Variants in CLVS2 observed in about 807,000 individuals in gnomAD.
CLVS2 encodes clavesin-2.
CLVS2 carries 19 observed loss-of-function variants against 29.0 expected under a neutral mutation model. The observed-to-expected ratio is 0.66, with a 90% CI of 0.46 to 0.96. The LOEUF (loss-of-function observed/expected upper bound fraction) is 0.96. CLVS2 is among the 40% of genes least tolerant of loss of function. CLVS2 has a pLI of 0.00. For synonymous variants in CLVS2, 161 were observed against 151.3 expected (o/e 1.06, Z -0.47); for missense variants, 294 against 404.1 (o/e 0.73, Z 2.34).
chr6:123,033,577 T>C (rs187617534), intron 3 of CLVS2, among the ~76,000 whole-genome samples: 30 of 152,194 alleles, frequency 2.0e-4, no homozygotes, highest in South Asian at 1.7e-3. Context: ...AAATGGATTA[T>C]GTATTTAAAT....
At chr6:123,009,027 G>C (rs1774711946) in intron 2 of CLVS2, among the ~76,000 whole-genome samples, 1 of 151,980 alleles carries the variant, frequency 6.6e-6, no homozygotes, top group South Asian at 2.1e-4. Context: ...ACTCTGCCTA[G>C]TAAACTATAT....
At chr6:123,044,700 T>G (rs1247027498) in intron 3 of CLVS2, among the ~76,000 whole-genome samples, 1 of 152,066 alleles carries the variant, frequency 6.6e-6, no homozygotes, top group East Asian at 1.9e-4. Context: ...GGTAGAGGGA[T>G]GATTTCTAGT....
Position 123,048,729 on chromosome 6 carries a change from A to G in CLVS2, c.672A>G (p.Lys224=). 1 of 1,596,166 alleles carries G rather than the reference A, an allele frequency of 6.3e-7. No homozygotes were observed. Among genetic ancestry groups the G allele is most frequent in the East Asian group, 2.2e-5 (1 of 44,716 alleles). ...CTTTCCTGAAGGAGAAAACTCGGAA[A>G]AGGGTATTCTTTTCTTTGATTTTTA... The part of the protein sequence containing the change: ...IRPFLKEKTR[K]RIFLHGNNLN... The change falls in exon 4 of 6, where the codon AAA becomes AAG. Residue 224 remains lysine (K), a synonymous_variant. Coordinates refer to ENST00000275162, the MANE Select transcript of CLVS2 (RefSeq NM_001010852.4).
At chr6:123,055,047 A>G (rs1772673288) in intron 4 of CLVS2, among the ~76,000 whole-genome samples, 1 of 152,192 alleles carries the variant, frequency 6.6e-6, no homozygotes, top group African/African-American at 2.4e-5. Context: ...TCCATTTAGG[A>G]AAAATGAGGA....
intron 2 of CLVS2, among the ~76,000 whole-genome samples, chr6:123,006,564 TA>T (rs1297274254): frequency 6.6e-6 from 1 of 151,962 alleles, no homozygotes; most frequent in Non-Finnish European, 1.5e-5. Flanking sequence ...TATAAATATA[TA>T]AAAGACAAAA....
intron 2 of CLVS2, among the ~76,000 whole-genome samples, chr6:123,000,238 T>C (rs182479108): frequency 1.3e-5 from 2 of 152,320 alleles, no homozygotes; most frequent in African/African-American, 2.4e-5. Flanking sequence ...CAAGAAATTA[T>C]CGCACCTCAA....
At chr6:123,041,682 A>T (rs1775236601) in intron 3 of CLVS2, among the ~76,000 whole-genome samples, 2 of 152,308 alleles carry the variant, frequency 1.3e-5, no homozygotes, top group South Asian at 4.1e-4. Flanking sequence ...CAGAAAGGAT[A>T]TGTATGCCTT....
intron 5 of CLVS2, among the ~76,000 whole-genome samples, chr6:123,059,815 T>C (rs1486962095): frequency 6.6e-6 from 1 of 152,228 alleles, no homozygotes; most frequent in Non-Finnish European, 1.5e-5. Flanking sequence ...CCACCTTTTG[T>C]ATCCTGATTC....
chr6:123,021,925 C>T (rs1194872492), intron 3 of CLVS2, among the ~76,000 whole-genome samples: 2 of 151,864 alleles, frequency 1.3e-5, no homozygotes, highest in Non-Finnish European at 2.9e-5. Context: ...TTTCCTGGTT[C>T]TTTGGTTAGT....
chr6:123,049,804 T>TC (rs1554203165), intron 4 of CLVS2, among the ~76,000 whole-genome samples: 1 of 118,934 alleles, frequency 8.4e-6, no homozygotes, highest in Non-Finnish European at 1.8e-5. Context: ...TGTTGTGGGA[T>TC]GGGGGGCGGG....
intron 3 of CLVS2, among the ~76,000 whole-genome samples, chr6:123,032,188 C>A (rs998717221): frequency 9.2e-5 from 14 of 151,948 alleles, no homozygotes; most frequent in African/African-American, 3.1e-4. Flanking sequence ...ATTTATAGTG[C>A]CTTTGATTTT....
At chr6:123,040,834 G>C (rs1775219629) in intron 3 of CLVS2, among the ~76,000 whole-genome samples, 1 of 149,144 alleles carries the variant, frequency 6.7e-6, no homozygotes, top group Non-Finnish European at 1.5e-5. Context: ...TAATTAAGTG[G>C]CAAAAGAGGA....
intron 3 of CLVS2, among the ~76,000 whole-genome samples, chr6:123,014,652 T>C (rs138213041): frequency 6.6e-6 from 1 of 152,186 alleles, no homozygotes; most frequent in Non-Finnish European, 1.5e-5. Flanking sequence ...ATTAAAGTAA[T>C]TGATGTGGAT....
chr6:123,051,259 A>G (rs1283059146), intron 4 of CLVS2, among the ~76,000 whole-genome samples: 1 of 152,108 alleles, frequency 6.6e-6, no homozygotes, highest in Non-Finnish European at 1.5e-5. Context: ...ATTTTCTTAA[A>G]TTAAATTAAA....
chr6:123,027,857 C>G (rs1181531753), intron 3 of CLVS2, among the ~76,000 whole-genome samples: 1 of 152,062 alleles, frequency 6.6e-6, no homozygotes, highest in Non-Finnish European at 1.5e-5. Flanking sequence ...AAAGGATTTG[C>G]TTGAGAAGGT....
chr6:123,002,907 T>A (rs1022231883), intron 2 of CLVS2, among the ~76,000 whole-genome samples: 2 of 152,196 alleles, frequency 1.3e-5, no homozygotes, highest in East Asian at 3.9e-4. Flanking sequence ...AAACCACAAA[T>A]GGCAGATATG....
chr6:123,017,396 T>C (rs1463666177), intron 3 of CLVS2, among the ~76,000 whole-genome samples: 2 of 152,080 alleles, frequency 1.3e-5, no homozygotes, highest in South Asian at 2.1e-4. Flanking sequence ...ACTCGTGAAC[T>C]GTATTCATTC....
intron 5 of CLVS2, among the ~76,000 whole-genome samples, chr6:123,058,321 C>A (rs1338485702): frequency 2.0e-5 from 3 of 152,186 alleles, no homozygotes; most frequent in East Asian, 3.9e-4. Flanking sequence ...GGCCCTTTCT[C>A]AGAACTGAAC....
At chr6:123,041,267 G>T (rs186238596) in intron 3 of CLVS2, among the ~76,000 whole-genome samples, 2 of 152,184 alleles carry the variant, frequency 1.3e-5, no homozygotes, top group Admixed American at 1.3e-4. Flanking sequence ...ACTATAAATA[G>T]TGATTGTAGA....
Sources: allele counts gnomAD v4.1 joint callset (sites outside exome capture counted in the v4.1 genomes callset), GRCh38; gene constraint gnomAD v4.1.1; transcripts MANE v1.5; gene names NCBI Gene and HGNC (gene_info 2026-07-23, HGNC 2026-07-21).